Variants in APOBEC2 observed in about 807,000 individuals in gnomAD.
APOBEC2 encodes the protein C->U-editing enzyme APOBEC-2.
In APOBEC2, 14 loss-of-function variants were observed where a neutral mutation model predicts 19.4. The observed-to-expected ratio is 0.72, with a 90% CI of 0.48 to 1.13. The LOEUF (loss-of-function observed/expected upper bound fraction) is 1.13. Ranked by LOEUF, APOBEC2 falls within the 50% of genes most tolerant of loss-of-function variation. APOBEC2 has a pLI of 0.00. For missense variants in APOBEC2, 304 were observed against 277.0 expected, an observed-to-expected ratio of 1.10 and a Z score of -0.69; for synonymous variants, 127 against 112.1, an observed-to-expected ratio of 1.13 and a Z score of -0.84.
chr6:41,053,614 C>A, intron 1 of APOBEC2, 136 bp downstream of exon 1: 3 of 1,347,008 alleles, frequency 2.2e-6, no homozygotes, highest in Non-Finnish European at 3.0e-6. Flanking sequence ...CACCAGTGGG[C>A]CCGGCAGGGG....
At chr6:41,061,278 A>C in intron 1 of APOBEC2, 50 bp from the exon 2 acceptor site, 1 of 1,497,698 alleles carries the variant, frequency 6.7e-7, no homozygotes, top group Non-Finnish European at 8.9e-7. Context: ...CTGGTTCTAG[A>C]AACAAGAACT....
chr6:41,053,237 C>A lies in APOBEC2; in HGVS notation c.-111C>A. ...CCTGCTGGGTCCTTTTCCCGTCATC[C>A]CCAGCCAGATTTAGCTGCTGACAGC... On this transcript the variant is annotated 5_prime_UTR_variant, in exon 1 of 3. Transcript: ENST00000244669. The A allele has an allele frequency of 6.9e-7, 1 of 1,441,944 alleles. No homozygotes were observed. 89.3% of individuals were successfully genotyped at this position (1,441,944 alleles called of 1,614,324 possible). A position where few individuals can be genotyped will look rare whatever the true frequency, so the allele number is the denominator to read the frequency against.
chr6:41,063,534 CTTTT>C (rs34638825), intron 2 of APOBEC2, among the ~76,000 whole-genome samples: 12 of 85,360 alleles, frequency 1.4e-4, no homozygotes, highest in African/African-American at 5.0e-4. Flanking sequence ...GTCCTTAGAG[CTTTT>C]TTTTTTTTTT....
chr6:41,056,614 T>C (rs1762799053), intron 1 of APOBEC2, among the ~76,000 whole-genome samples: 1 of 152,250 alleles, frequency 6.6e-6, no homozygotes, highest in Non-Finnish European at 1.5e-5. Context: ...TCTTTTTATA[T>C]TTACTGAATA....
intron 1 of APOBEC2, among the ~76,000 whole-genome samples, chr6:41,059,478 T>G (rs1762845895): frequency 6.6e-6 from 1 of 152,188 alleles, no homozygotes; most frequent in South Asian, 2.1e-4. Flanking sequence ...GCACTCACTA[T>G]AAGTGAACGC....
chr6:41,059,270 T>C (rs935061240), intron 1 of APOBEC2, among the ~76,000 whole-genome samples: 2 of 152,168 alleles, frequency 1.3e-5, no homozygotes, highest in Non-Finnish European at 2.9e-5. Flanking sequence ...CTTGCCAGGG[T>C]TCCACCTGAT....
intron 1 of APOBEC2, among the ~76,000 whole-genome samples, chr6:41,058,271 C>A (rs1160053135): frequency 6.8e-6 from 1 of 146,614 alleles, no homozygotes; most frequent in Admixed American, 6.9e-5. Flanking sequence ...CCACCACCAC[C>A]ACCCCACCAC....
chr6:41,062,025 G>C lies in APOBEC2; in HGVS notation c.*21+133G>C, dbSNP rs1353019660. The C allele has an allele frequency of 3.5e-6, 3 of 855,408 alleles. No homozygotes were observed. The African/African-American group carries it at 5.1e-5, about 15-fold the overall frequency. The allele number at this position is 855,408 out of a possible 1,614,324, so 53.0% of individuals were successfully genotyped here. On this transcript the variant is annotated intron_variant, in intron 2 of 2. Coordinates refer to ENST00000244669, the MANE Select transcript of APOBEC2 (RefSeq NM_006789.4). ...TTCATTTCTCTGCTTTTGACTGGTT[G>C]CAAAAATAGTTTAGAACATGTCTCT...
At chr6:41,061,293 A>C in intron 1 of APOBEC2, 35 bp from the exon 2 acceptor site, 1 of 1,508,686 alleles carries the variant, frequency 6.6e-7, no homozygotes, top group South Asian at 1.4e-5. Flanking sequence ...AGAACTTATC[A>C]TTCTTTCCTG....
chr6:41,053,370 C>T lies in APOBEC2; in HGVS notation c.23C>T (p.Ala8Val), dbSNP rs1184773398. Residue 8 changes from alanine (A) to valine (V), a missense_variant, in exon 1 of 3, where the codon GCT (alanine) becomes GTT (valine). Physicochemically the swap from Ala to Val is moderately conservative, Grantham distance 64. Transcript: ENST00000244669. The stretch of plus-strand genomic sequence containing the variant: ...TCCATGGCCCAGAAGGAAGAGGCTG[C>T]TGTGGCCACTGAGGCTGCCTCCCAG... MAQKEEA[A>V]VATEAASQNG... is the part of the protein sequence containing the mutation. 1.2e-5 allele frequency: 20 copies of T among 1,613,696 alleles called. No homozygotes were observed. The highest frequency in any genetic ancestry group is 1.6e-5 in the Non-Finnish European group (19 of 1,180,018).
At chr6:41,058,970 G>A (rs1561837341) in intron 1 of APOBEC2, among the ~76,000 whole-genome samples, 2 of 152,152 alleles carry the variant, frequency 1.3e-5, no homozygotes, top group Admixed American at 1.3e-4. Flanking sequence ...TTGGAAACCC[G>A]TATTTATAGA....
At chr6:41,054,294 A>G (rs762775265) in intron 1 of APOBEC2, among the ~76,000 whole-genome samples, 18 of 152,256 alleles carry the variant, frequency 1.2e-4, no homozygotes, top group Non-Finnish European at 2.1e-4. Context: ...ACCCTTCTAA[A>G]TCCTGAGCAA....
chr6:41,054,828 C>T (rs1025976821), intron 1 of APOBEC2, among the ~76,000 whole-genome samples: 7 of 152,304 alleles, frequency 4.6e-5, no homozygotes, highest in South Asian at 2.1e-4. Context: ...TGCTGGTATA[C>T]GCTATCCTTA....
chr6:41,061,798 C>A lies in APOBEC2; in HGVS notation c.602C>A (p.Ala201Asp). The change falls in exon 2 of 3, where the codon GCC (alanine) becomes GAC (aspartate). Residue 201 changes from alanine to aspartate, a missense_variant. By Grantham distance (126) the Ala-to-Asp change is moderately radical (BLOSUM62 -2). Transcript: ENST00000244669. The stretch of plus-strand genomic sequence containing the variant: ...GAGCAAGAAGAGGGTGAATCCAAGG[C>A]CTTTCAGCCCTGGGAGGACATTCAG... ...FVEQEEGESKAFQPWEDIQEN... is the reference protein window; with the variant it reads ...FVEQEEGESKDFQPWEDIQEN... 1.2e-6 allele frequency: 2 copies of A among 1,614,212 alleles called. No homozygotes were observed. Among genetic ancestry groups the A allele is most frequent in the Non-Finnish European group, 1.7e-6 (2 of 1,180,040 alleles).
At chr6:41,054,249 T>C (rs1450119677) in intron 1 of APOBEC2, among the ~76,000 whole-genome samples, 2 of 152,204 alleles carry the variant, frequency 1.3e-5, no homozygotes, top group Non-Finnish European at 2.9e-5. Context: ...CTAAGTAGTC[T>C]TCTTCCTCTT....
At chr6:41,055,037 T>G (rs1379660710) in intron 1 of APOBEC2, among the ~76,000 whole-genome samples, 3 of 152,174 alleles carry the variant, frequency 2.0e-5, no homozygotes, top group Non-Finnish European at 4.4e-5. Flanking sequence ...CATAGTTTCA[T>G]GAACATGAGA....
At chr6:41,063,082 G>A (rs1479311305) in intron 2 of APOBEC2, among the ~76,000 whole-genome samples, 3 of 152,166 alleles carry the variant, frequency 2.0e-5, no homozygotes, top group African/African-American at 7.2e-5. Context: ...TCATAGACAC[G>A]TTTAGGAAAT....
chr6:41,064,304 C>T lies in APOBEC2; in HGVS notation c.*225C>T, dbSNP rs1015347868. Reference sequence around the variant, plus strand: ...TCTCTAATGCTGCTCTCGGGAAGGACGAAAGTGACCTGCAAGGAGAGAAAT... The same window carrying T: ...TCTCTAATGCTGCTCTCGGGAAGGATGAAAGTGACCTGCAAGGAGAGAAAT... On this transcript the variant is annotated 3_prime_UTR_variant, in exon 3 of 3. Coordinates refer to ENST00000244669, the MANE Select transcript of APOBEC2 (RefSeq NM_006789.4). 1 of 152,332 alleles carries T rather than the reference C, an allele frequency of 6.6e-6. No homozygotes were observed. The highest frequency in any genetic ancestry group is 6.6e-5 in the Admixed American group (1 of 15,262). 9.4% of individuals were successfully genotyped at this position (152,332 alleles called of 1,614,324 possible).
chr6:41,057,027 G>C (rs1307538854), intron 1 of APOBEC2, among the ~76,000 whole-genome samples: 1 of 152,180 alleles, frequency 6.6e-6, no homozygotes, highest in East Asian at 1.9e-4. Flanking sequence ...CAGCACCCTT[G>C]ATGTGAGCTT....
Sources: allele counts gnomAD v4.1 joint callset (sites outside exome capture counted in the v4.1 genomes callset), GRCh38; gene constraint gnomAD v4.1.1; transcripts MANE v1.5; gene names NCBI Gene and HGNC (gene_info 2026-07-23, HGNC 2026-07-21).